The following NRXN1 variants were observed in gnomAD, a reference collection of about 807,000 sequenced individuals.
NRXN1 encodes neurexin-1.
In NRXN1, 39 loss-of-function variants were observed where a neutral mutation model predicts 150.9. That is an observed-to-expected ratio of 0.26 (90% CI 0.20 to 0.34). The LOEUF (loss-of-function observed/expected upper bound fraction) is 0.34, where lower values mean the gene tolerates loss of function less well. NRXN1 is among the 10% of genes least tolerant of loss of function. NRXN1 has a pLI of 1.00. For missense variants in NRXN1, 1,815 were observed against 1,949.9 expected (o/e 0.93, Z 1.30); for synonymous variants, 924 against 757.0 (o/e 1.22, Z -3.62).
intron 21 of NRXN1, among the ~76,000 whole-genome samples, chr2:49,995,503 C>T (rs369970359): frequency 5.3e-5 from 8 of 151,956 alleles, no homozygotes; most frequent in Non-Finnish European, 1.0e-4. Flanking sequence ...GAAAAGAGGC[C>T]GGGCGCGGTG....
intron 17 of NRXN1, among the ~76,000 whole-genome samples, chr2:50,321,242 C>T (rs181693390): frequency 3.4e-4 from 51 of 152,144 alleles, no homozygotes; most frequent in South Asian, 8.3e-4. Context: ...TACACCAAAG[C>T]GATATATAAA....
rs565972536 is a variant in NRXN1 at position 50,242,535 on chromosome 2, TA to T, written c.3365-5566del. Among the ~76,000 whole-genome samples the T allele has an allele frequency of 2.0e-5, 3 of 151,898 alleles. No individual in the cohort carries two copies. In the South Asian group the frequency reaches 6.2e-4, roughly 32 times the overall value. On this transcript the variant is annotated intron_variant, in intron 17 of 22. Transcript: ENST00000401669. ...TTACTAAAATTTCATATAGGCATAT[TA>T]AAAATTCAGAAAAAGTGAACATCTT...
intron 5 of NRXN1, among the ~76,000 whole-genome samples, chr2:50,852,796 G>C (rs1674702305): frequency 6.6e-6 from 1 of 152,080 alleles, no homozygotes; most frequent in Non-Finnish European, 1.5e-5. Flanking sequence ...TTCAGAAATA[G>C]AAAGTATTCA....
intron 18 of NRXN1, among the ~76,000 whole-genome samples, chr2:50,142,093 T>C (rs1707353815): frequency 2.0e-5 from 3 of 151,992 alleles, no homozygotes; most frequent in South Asian, 2.1e-4. Context: ...GAAGTGGTGG[T>C]ATATGTACAC....
intron 18 of NRXN1, among the ~76,000 whole-genome samples, chr2:50,156,856 T>C (rs890088112): frequency 1.3e-5 from 2 of 151,996 alleles, no homozygotes; most frequent in Admixed American, 1.3e-4. Flanking sequence ...AAAGCATATA[T>C]GCGATTCACA....
At chr2:49,956,477 T>C (rs1396199491) in intron 21 of NRXN1, among the ~76,000 whole-genome samples, 1 of 152,198 alleles carries the variant, frequency 6.6e-6, no homozygotes, top group Non-Finnish European at 1.5e-5. Context: ...TGCCAGTGTT[T>C]ATTTTTCTCC....
chr2:50,638,385 A>G (rs1426734923), intron 5 of NRXN1, among the ~76,000 whole-genome samples: 1 of 152,182 alleles, frequency 6.6e-6, no homozygotes, highest in Non-Finnish European at 1.5e-5. Context: ...CTTATTCTCC[A>G]TGAAAATAAT....
chr2:50,114,553 A>G (rs1168527272), intron 18 of NRXN1, among the ~76,000 whole-genome samples: 8 of 152,184 alleles, frequency 5.3e-5, no homozygotes, highest in African/African-American at 1.9e-4. Context: ...AATAATCTGT[A>G]CATGGATGTT....
chr2:50,381,526 C>CAT lies in NRXN1; in HGVS notation c.3364+83915_3364+83916insAT, dbSNP rs1463475179. 6.1e-4 allele frequency among the ~76,000 whole-genome samples: 27 copies of CAT among 44,206 alleles called. No homozygotes were observed. The African/African-American group carries it at 8.1e-3, about 13-fold the overall frequency. The allele number at this position is 44,206 out of a possible 152,430, so 29.0% of individuals were successfully genotyped here. A position where few individuals can be genotyped will look rare whatever the true frequency, so the allele number is the denominator to read the frequency against. On this transcript the variant is annotated intron_variant, in intron 17 of 22. Transcript: ENST00000401669. Reference sequence around the variant, plus strand: ...TAAAGGGGACTCAGGCTTTTAAACACACACACACACACACACACACACACA... The same window carrying CAT: ...TAAAGGGGACTCAGGCTTTTAAACACATACACACACACACACACACACACACA...
chr2:50,420,010 A>G (rs1217124653), intron 17 of NRXN1, among the ~76,000 whole-genome samples: 1 of 152,104 alleles, frequency 6.6e-6, no homozygotes, highest in African/African-American at 2.4e-5. Context: ...TCTAAATTAA[A>G]GAGAATGAGA....
chr2:50,978,829 G>C (rs954341513), intron 2 of NRXN1, among the ~76,000 whole-genome samples: 12 of 152,034 alleles, frequency 7.9e-5, no homozygotes, highest in African/African-American at 2.9e-4. Flanking sequence ...ATCCCCGGAT[G>C]CTTCCTTAAT....
intron 18 of NRXN1, among the ~76,000 whole-genome samples, chr2:50,215,635 G>C (rs571020926): frequency 6.6e-6 from 1 of 151,914 alleles, no homozygotes; most frequent in East Asian, 1.9e-4. Flanking sequence ...AAGAATTTCT[G>C]TACCTTTTGA....
intron 21 of NRXN1, among the ~76,000 whole-genome samples, chr2:49,992,224 G>C (rs1274461771): frequency 6.6e-6 from 1 of 151,960 alleles, no homozygotes; most frequent in African/African-American, 2.4e-5. Context: ...TAATTAATGA[G>C]CTCTACATCA....
intron 5 of NRXN1, among the ~76,000 whole-genome samples, chr2:50,662,906 T>C (rs1251132127): frequency 6.6e-6 from 1 of 152,008 alleles, no homozygotes; most frequent in African/African-American, 2.4e-5. Context: ...TGTTGTAAAA[T>C]CATTGATTCT....
intron 5 of NRXN1, among the ~76,000 whole-genome samples, chr2:50,797,456 A>C (rs1198087379): frequency 1.3e-5 from 2 of 152,136 alleles, no homozygotes; most frequent in African/African-American, 4.8e-5. Flanking sequence ...ATGATCTCAA[A>C]CATTTTAAAA....
intron 18 of NRXN1, among the ~76,000 whole-genome samples, chr2:50,183,717 C>T (rs942876932): frequency 3.8e-4 from 57 of 149,658 alleles, no homozygotes; most frequent in African/African-American, 1.3e-3. Flanking sequence ...GCTAAACATT[C>T]AATAAAATGC....
At chr2:50,582,544 A>C (rs1005942779) in intron 8 of NRXN1, among the ~76,000 whole-genome samples, 1 of 151,814 alleles carries the variant, frequency 6.6e-6, no homozygotes, top group African/African-American at 2.4e-5. Flanking sequence ...AAGAGAATAA[A>C]ACAAAAATAG....
intron 8 of NRXN1, among the ~76,000 whole-genome samples, chr2:50,568,044 T>C (rs1237515744): frequency 6.6e-6 from 1 of 152,086 alleles, no homozygotes; most frequent in Non-Finnish European, 1.5e-5. Flanking sequence ...AGTACCAGAA[T>C]GAAATTTAGA....
chr2:50,690,812 C>G (rs1691960120), intron 5 of NRXN1, among the ~76,000 whole-genome samples: 1 of 152,148 alleles, frequency 6.6e-6, no homozygotes, highest in South Asian at 2.1e-4. Flanking sequence ...TCTTGATTTT[C>G]TCTTCTCCAA....
Sources: allele counts gnomAD v4.1 joint callset (sites outside exome capture counted in the v4.1 genomes callset), GRCh38; gene constraint gnomAD v4.1.1; transcripts MANE v1.5; gene names NCBI Gene and HGNC (gene_info 2026-07-23, HGNC 2026-07-21).